PREP: variants seen among roughly 807,000 people sequenced by gnomAD.
PREP encodes the protein dJ355L5.1 (prolyl endopeptidase).
Under a neutral mutation model 87.6 loss-of-function variants are expected in PREP, and 29 were observed. The observed-to-expected ratio is 0.33, with a 90% confidence interval of 0.25 to 0.45. The LOEUF (loss-of-function observed/expected upper bound fraction) is 0.45. Ranked by LOEUF, PREP falls within the 20% of genes least tolerant of loss-of-function variation. The pLI, the probability that PREP is intolerant of heterozygous loss-of-function variation, is 1.00. For missense variants in PREP, 695 were observed against 886.5 expected (o/e 0.78, Z 2.74); for synonymous variants, 337 against 328.6 (o/e 1.03, Z -0.28).
intron 6 of PREP, among the ~76,000 whole-genome samples, chr6:105,366,890 G>A (rs1024516753): frequency 6.6e-6 from 1 of 152,226 alleles, no homozygotes; most frequent in Non-Finnish European, 1.5e-5. Flanking sequence ...AAATACAAAG[G>A]GACAGAAAGT....
At chr6:105,378,328 G>A (rs1562223227) in intron 2 of PREP, among the ~76,000 whole-genome samples, 1 of 152,114 alleles carries the variant, frequency 6.6e-6, no homozygotes, top group Non-Finnish European at 1.5e-5. Flanking sequence ...GCGTGGTGGT[G>A]GGTGCCTGTA....
At chr6:105,396,638 G>A (rs568640155) in intron 2 of PREP, among the ~76,000 whole-genome samples, 1 of 151,954 alleles carries the variant, frequency 6.6e-6, no homozygotes, top group African/African-American at 2.4e-5. Flanking sequence ...GCGGAGTTAA[G>A]ACACAGGCGT....
chr6:105,315,343 T>C (rs1770838571), intron 10 of PREP, among the ~76,000 whole-genome samples: 1 of 152,142 alleles, frequency 6.6e-6, no homozygotes, highest in Non-Finnish European at 1.5e-5. Flanking sequence ...TTTAAATTTT[T>C]TGTAGATAAA....
In PREP at chr6:105,366,495, G is replaced by A. The variant is rs149686701; in HGVS notation, c.717+2408C>T. 1.3e-3 allele frequency among the ~76,000 whole-genome samples: 201 copies of A among 152,286 alleles called. 1 individual carries two copies. Among genetic ancestry groups the A allele is most frequent in the African/African-American group, 4.7e-3 (194 of 41,562 alleles). ...GTAAAGATTATATCGGATGAGATAC[G>A]CAGAGTGTACATCTATTGAAAGAAT... is the stretch of plus-strand genomic sequence containing the variant. On this transcript the variant is annotated intron_variant, in intron 6 of 14. Coordinates refer to ENST00000652536, the MANE Select transcript of PREP (RefSeq NM_002726.5).
chr6:105,286,802 C>T (rs1261185239), intron 11 of PREP, among the ~76,000 whole-genome samples: 1 of 151,878 alleles, frequency 6.6e-6, no homozygotes, highest in East Asian at 1.9e-4. Flanking sequence ...TCATGCATCT[C>T]TGATGGTCTC....
rs1408815447 is a variant in PREP at position 105,369,079 on chromosome 6, A to G, written c.596-55T>C. On this transcript the variant is annotated intron_variant, in intron 5 of 14. Transcript: ENST00000652536. ...GTACTTGATAATTTTAAGAAAATCAATTCCACCCATATTGCAGAATGCTAG... is the reference window on the plus strand; with the variant it reads ...GTACTTGATAATTTTAAGAAAATCAGTTCCACCCATATTGCAGAATGCTAG... The G allele has an allele frequency of 8.2e-6, 13 of 1,584,946 alleles. No homozygotes were observed. In the East Asian group the frequency reaches 2.0e-4, roughly 25 times the overall value.
intron 2 of PREP, among the ~76,000 whole-genome samples, chr6:105,389,874 C>T (rs1773095217): frequency 6.6e-6 from 1 of 151,988 alleles, no homozygotes; most frequent in South Asian, 2.1e-4. Context: ...TAAGGTTAAC[C>T]CCAGAGACCA....
chr6:105,282,130 C>A (rs1035108325), intron 13 of PREP, among the ~76,000 whole-genome samples: 11 of 152,120 alleles, frequency 7.2e-5, no homozygotes, highest in African/African-American at 2.7e-4. Context: ...GCTTTACTCC[C>A]CAAAGTGAAT....
chr6:105,362,373 A>G (rs1309847464), intron 6 of PREP, among the ~76,000 whole-genome samples: 2 of 152,232 alleles, frequency 1.3e-5, no homozygotes, highest in Non-Finnish European at 2.9e-5. Context: ...AGGGACGAGA[A>G]TCGCTTGAAC....
intron 10 of PREP, among the ~76,000 whole-genome samples, chr6:105,296,872 A>G (rs1481427140): frequency 6.6e-6 from 1 of 152,122 alleles, no homozygotes; most frequent in Non-Finnish European, 1.5e-5. Flanking sequence ...CCTCTTTGCC[A>G]TCTCAGAGAG....
In PREP at chr6:105,323,750, T is replaced by A; in HGVS notation, c.1232A>T (p.Asp411Val). The change falls in exon 10 of 15, where the codon GAT (aspartate) becomes GTT (valine). Residue 411 changes from aspartate (D) to valine (V), a missense_variant. Asp to Val is a radical substitution (Grantham distance 152). Around this residue, in one of 5 missense-constraint regions of PREP, gnomAD observed 517 missense variants for 620.3 expected, o/e 0.83. Coordinates refer to ENST00000652536, the MANE Select transcript of PREP (RefSeq NM_002726.5). ...FLSPGIIYHCDLTKEELEPRV... is the reference protein window; with the variant it reads ...FLSPGIIYHCVLTKEELEPRV... ...TGGCTCCAGCTCCTCTTTGGTAAGA[T>A]CACAGTGATAAATGATACCTAAAAA... is the stretch of plus-strand genomic sequence containing the variant. 1 of 1,613,088 alleles carries A rather than the reference T, an allele frequency of 6.2e-7. No individual in the cohort carries two copies. Among genetic ancestry groups the A allele is most frequent in the Non-Finnish European group, 8.5e-7 (1 of 1,179,020 alleles).
At position 105,354,590 on chromosome 6, in the gene PREP, A is replaced by G. The variant is rs77541038; in HGVS notation, c.718-1513T>C. On this transcript the variant is annotated intron_variant, in intron 6 of 14. Transcript: ENST00000652536. ...CTTAGAGTAAAGCGGACCACCCTCC[A>G]TAATGTGGGTGGGACTCATCCAATC... Among the ~76,000 whole-genome samples the G allele has an allele frequency of 3.5e-3, 528 of 151,990 alleles. 28 individuals carry two copies. In the East Asian group the frequency reaches 0.091, roughly 26 times the overall value.
intron 7 of PREP, among the ~76,000 whole-genome samples, chr6:105,343,634 A>G (rs977736404): frequency 2.0e-5 from 3 of 152,214 alleles, no homozygotes; most frequent in African/African-American, 7.2e-5. Flanking sequence ...CCCATCTGAC[A>G]AAGGGCTAAT....
chr6:105,334,605 G>C (rs1771430160), intron 7 of PREP, among the ~76,000 whole-genome samples: 1 of 151,836 alleles, frequency 6.6e-6, no homozygotes, highest in Non-Finnish European at 1.5e-5. Flanking sequence ...TGTAATCCCA[G>C]CTACTTGGTA....
At chr6:105,285,992 T>C (rs1407246865) in intron 11 of PREP, among the ~76,000 whole-genome samples, 1 of 152,204 alleles carries the variant, frequency 6.6e-6, no homozygotes, top group Non-Finnish European at 1.5e-5. Context: ...GTCAGGCTGG[T>C]CTTGAATTCC....
chr6:105,315,169 C>T (rs1313255551), intron 10 of PREP, among the ~76,000 whole-genome samples: 3 of 151,958 alleles, frequency 2.0e-5, no homozygotes, highest in Non-Finnish European at 4.4e-5. Context: ...TTTGTTTTTT[C>T]GTTTCTGTTG....
intron 10 of PREP, among the ~76,000 whole-genome samples, chr6:105,320,690 T>G (rs1770981684): frequency 6.6e-6 from 1 of 152,110 alleles, no homozygotes; most frequent in Non-Finnish European, 1.5e-5. Context: ...AACAAAGAAA[T>G]GAAACATAGC....
At chr6:105,321,319 TA>T (rs903077965) in intron 10 of PREP, among the ~76,000 whole-genome samples, 11 of 152,184 alleles carry the variant, frequency 7.2e-5, no homozygotes, top group African/African-American at 2.7e-4. Context: ...GCAGTACAAA[TA>T]AAAAACTGTA....
At chr6:105,318,927 G>C (rs1770938628) in intron 10 of PREP, among the ~76,000 whole-genome samples, 1 of 152,182 alleles carries the variant, frequency 6.6e-6, no homozygotes, top group Non-Finnish European at 1.5e-5. Context: ...AGAAGTTAAT[G>C]AGTATTGAAA....
Sources: gnomAD v4.1 joint callset for allele counts (sites outside exome capture counted in the v4.1 genomes callset) on GRCh38, gnomAD v4.1.1 for gene constraint, gnomAD v4.1.1 regional missense constraint, MANE v1.5 for transcripts, NCBI Gene and HGNC (gene_info 2026-07-23, HGNC 2026-07-21) for gene names.